CACNA1B: variants seen among roughly 807,000 people sequenced by gnomAD.
CACNA1B encodes calcium voltage-gated channel subunit alpha1 B.
A neutral mutation model predicts 247.2 loss-of-function variants in CACNA1B; 70 were observed. That is an observed-to-expected ratio of 0.28 (90% confidence interval 0.23 to 0.35). The LOEUF is 0.35. Ranked by LOEUF, CACNA1B falls within the 10% of genes least tolerant of loss-of-function variation. The probability of loss-of-function intolerance (pLI) is 1.00; values close to 1 mark genes in which losing one functional copy is unlikely to be tolerated. For missense variants in CACNA1B, 2,367 were observed against 3,197.4 expected (o/e 0.74, Z 6.26); for synonymous variants, 1,231 against 1,294.4 (o/e 0.95, Z 1.05).
At position 138,072,262 on chromosome 9, in the gene CACNA1B, C is replaced by G. The variant is rs1252830316; in HGVS notation, c.4675-1226C>G. 1.3e-5 allele frequency among the ~76,000 whole-genome samples: 2 copies of G among 152,240 alleles called. No homozygotes were observed. Among genetic ancestry groups the G allele is most frequent in the African/African-American group, 4.8e-5 (2 of 41,462 alleles). On this transcript the variant is annotated intron_variant, in intron 32 of 46. Transcript: ENST00000371372. The surrounding 1 kb of genome is among the most constrained non-coding windows in gnomAD (Gnocchi z 4.5). Reference sequence around the variant, plus strand: ...ACCTCGAGTTGAATCCTCAGCCACCCTGCCCCTGCCAGTGGAAGTGGCAGA... The same window carrying G: ...ACCTCGAGTTGAATCCTCAGCCACCGTGCCCCTGCCAGTGGAAGTGGCAGA...
intron 12 of CACNA1B, 58 bp downstream of exon 12, chr9:137,976,077 G>A (rs1958217072): frequency 1.9e-6 from 2 of 1,049,068 alleles, no homozygotes; most frequent in Non-Finnish European, 3.0e-6. Context: ...GGTGCACACA[G>A]CCCCCTCCCA....
At chr9:138,074,530 C>T (rs752403596) in intron 34 of CACNA1B, among the ~76,000 whole-genome samples, 3 of 152,220 alleles carry the variant, frequency 2.0e-5, no homozygotes, top group East Asian at 1.9e-4. Context: ...TGTGAGCCAC[C>T]GCGCCTGGCC....
rs1036070174 is a variant in CACNA1B at position 137,954,168 on chromosome 9, G to A, written c.1071-1530G>A. Among the ~76,000 whole-genome samples, 1 of 152,164 alleles carries A rather than the reference G, an allele frequency of 6.6e-6. No homozygotes were observed. The highest frequency in any genetic ancestry group is 2.4e-5 in the African/African-American group (1 of 41,442). Reference sequence around the variant, plus strand: ...ACCCTCCCTCAGGCCCACAGGCCCAGCAGAGGGCCCCCAAGCCAGGGGCTG... The same window carrying A: ...ACCCTCCCTCAGGCCCACAGGCCCAACAGAGGGCCCCCAAGCCAGGGGCTG... On this transcript the variant is annotated intron_variant, in intron 7 of 46. Coordinates refer to ENST00000371372, the MANE Select transcript of CACNA1B (RefSeq NM_000718.4). The surrounding 1 kb of genome is among the most constrained non-coding windows in gnomAD (Gnocchi z 4.1).
In CACNA1B at chr9:138,046,957, T is replaced by C. The variant is rs1959190818; in HGVS notation, c.3467T>C (p.Ile1156Thr). 1 of 1,613,490 alleles carries C rather than the reference T, an allele frequency of 6.2e-7. No homozygotes were observed. Among genetic ancestry groups the C allele is most frequent in the South Asian group, 1.1e-5 (1 of 91,066 alleles). Residue 1156 changes from isoleucine (I) to threonine (T), a missense_variant, in exon 22 of 47, where the codon ATT (isoleucine) becomes ACT (threonine). Ile to Thr is a moderately conservative substitution (Grantham distance 89). Coordinates refer to ENST00000371372, the MANE Select transcript of CACNA1B (RefSeq NM_000718.4). ...ACCATGAGGTACTTCGAGGTGGTCA[T>C]TCTCGTGGTCATCGCCTTGAGCAGC... ...IVTMRYFEVV[I>T]LVVIALSSIA...
At chr9:137,975,022 G>A (rs552544770) in intron 11 of CACNA1B, among the ~76,000 whole-genome samples, 7 of 152,292 alleles carry the variant, frequency 4.6e-5, no homozygotes, top group African/African-American at 1.4e-4. Context: ...GCTGGGCCTC[G>A]CTGGGCCTCC....
chr9:138,024,482 T>C (rs1384734420), intron 19 of CACNA1B, among the ~76,000 whole-genome samples: 1 of 152,122 alleles, frequency 6.6e-6, no homozygotes, highest in Non-Finnish European at 1.5e-5. Context: ...GTCAGCCCCA[T>C]CCCTGCCTTT....
At position 138,059,759 on chromosome 9, in the gene CACNA1B, C is replaced by A; in HGVS notation, c.4668+22C>A. 10 of 1,388,720 alleles carry A rather than the reference C, an allele frequency of 7.2e-6. No homozygotes were observed. Among genetic ancestry groups the A allele is most frequent in the Non-Finnish European group, 1.0e-5 (10 of 974,560 alleles). 86.0% of individuals were successfully genotyped at this position (1,388,720 alleles called of 1,614,324 possible). A position where few individuals can be genotyped will look rare whatever the true frequency, so the allele number is the denominator to read the frequency against. Reference sequence around the variant, plus strand: ...TGCGGTAAGTAGCATTTCTGTCCCTCCTTCAGGGTCCCCAGGTGGTTTCCT... The same window carrying A: ...TGCGGTAAGTAGCATTTCTGTCCCTACTTCAGGGTCCCCAGGTGGTTTCCT... On this transcript the variant is annotated intron_variant, in intron 31 of 46. Transcript: ENST00000371372. The surrounding 1 kb of genome is among the most constrained non-coding windows in gnomAD (Gnocchi z 4.2).
chr9:138,001,776 G>C (rs1564231331), intron 15 of CACNA1B, among the ~76,000 whole-genome samples: 1 of 152,044 alleles, frequency 6.6e-6, no homozygotes, highest in East Asian at 1.9e-4. Flanking sequence ...TATTCAATTA[G>C]AAAATTCAAT....
chr9:138,116,353 C>T (rs1232925430), intron 42 of CACNA1B, among the ~76,000 whole-genome samples: 1 of 152,216 alleles, frequency 6.6e-6, no homozygotes, highest in Non-Finnish European at 1.5e-5. Flanking sequence ...ACAAATCACC[C>T]AGAAGCAGGT....
intron 6 of CACNA1B, among the ~76,000 whole-genome samples, chr9:137,944,012 G>A (rs528480584): frequency 2.0e-5 from 3 of 152,320 alleles, no homozygotes; most frequent in Admixed American, 6.5e-5. Flanking sequence ...GTGTCTATTA[G>A]TACTAACAAA....
At chr9:138,120,080 G>A in intron 44 of CACNA1B, 85 bp from the exon 45 acceptor site, 4 of 1,177,924 alleles carry the variant, frequency 3.4e-6, no homozygotes, top group South Asian at 2.9e-5. Context: ...CTGCTGTCTG[G>A]CCTGCTCCAC....
At position 138,052,275 on chromosome 9, in the gene CACNA1B, G is replaced by A; in HGVS notation, c.3807+87G>A. ...GTGTGTGTGTGTGTATGCATGCAGT[G>A]CATGAGTGTGTGTGTGTTCACATCA... is the stretch of plus-strand genomic sequence containing the variant. On this transcript the variant is annotated intron_variant, in intron 25 of 46. Coordinates refer to ENST00000371372, the MANE Select transcript of CACNA1B (RefSeq NM_000718.4). The surrounding 1 kb of genome is among the most constrained non-coding windows in gnomAD (Gnocchi z 5.1). The A allele has an allele frequency of 1.8e-6, 1 of 570,658 alleles. No individual in the cohort carries two copies. The allele number at this position is 570,658 out of a possible 1,614,324, so 35.3% of individuals were successfully genotyped here. A position where few individuals can be genotyped will look rare whatever the true frequency, so the allele number is the denominator to read the frequency against.
intron 36 of CACNA1B, among the ~76,000 whole-genome samples, chr9:138,083,300 C>G (rs1276927238): frequency 2.0e-5 from 3 of 151,160 alleles, no homozygotes; most frequent in African/African-American, 7.3e-5. Flanking sequence ...TGGCCGACAT[C>G]CCCAAGCTGA....
chr9:137,980,682 A>G (rs1300645941), intron 12 of CACNA1B, among the ~76,000 whole-genome samples: 1 of 151,046 alleles, frequency 6.6e-6, no homozygotes. Context: ...TCCCTCTAGT[A>G]CTCCCCACTG....
Position 137,913,061 on chromosome 9 carries a change from C to A in CACNA1B, c.531-119C>A. The A allele has an allele frequency of 1.3e-6, 1 of 745,766 alleles. No homozygotes were observed. The highest frequency in any genetic ancestry group is 2.3e-6 in the Non-Finnish European group (1 of 436,074). 46.2% of individuals were successfully genotyped at this position (745,766 alleles called of 1,614,324 possible). A position where few individuals can be genotyped will look rare whatever the true frequency, so the allele number is the denominator to read the frequency against. Reference sequence around the variant, plus strand: ...TGGCCCTGTGGTTGGACAGTGGGGACACAGGAATGAAGGTGTCACTGCTCT... The same window carrying A: ...TGGCCCTGTGGTTGGACAGTGGGGAAACAGGAATGAAGGTGTCACTGCTCT... On this transcript the variant is annotated intron_variant, in intron 3 of 46. Coordinates refer to ENST00000371372, the MANE Select transcript of CACNA1B (RefSeq NM_000718.4). The surrounding 1 kb of genome is among the most constrained non-coding windows in gnomAD (Gnocchi z 5.2).
Position 137,971,537 on chromosome 9 carries a change from A to G in CACNA1B, c.1488A>G (p.Thr496=). 6.2e-7 allele frequency: 1 copy of G among 1,613,446 alleles called. No homozygotes were observed. Among genetic ancestry groups the G allele is most frequent in the Non-Finnish European group, 8.5e-7 (1 of 1,179,652 alleles). Residue 496 remains threonine (T), a synonymous_variant, in exon 11 of 47, where the codon ACA becomes ACG. Transcript: ENST00000371372. The surrounding 1 kb of genome is among the most constrained non-coding windows in gnomAD (Gnocchi z 4.4). ...WVVLCVVALN[T]LCVAMVHYNQ... Reference sequence around the variant, plus strand: ...TGCTGTGCGTGGTGGCCCTGAACACACTGTGTGTGGCCATGGTGCATTACA... The same window carrying G: ...TGCTGTGCGTGGTGGCCCTGAACACGCTGTGTGTGGCCATGGTGCATTACA...
intron 44 of CACNA1B, among the ~76,000 whole-genome samples, 156 bp downstream of exon 44, chr9:138,118,924 G>A (rs531763181): frequency 2.6e-5 from 4 of 152,044 alleles, no homozygotes; most frequent in African/African-American, 4.8e-5. Context: ...CAGGCACCCC[G>A]GGCAGTCCTG....
Position 137,917,254 on chromosome 9 carries a change from G to C in CACNA1B, c.789G>C (p.Val263=). 1.2e-6 allele frequency: 2 copies of C among 1,613,132 alleles called. No homozygotes were observed. The highest frequency in any genetic ancestry group is 2.2e-5 in the South Asian group (2 of 91,018). The stretch of plus-strand genomic sequence containing the variant: ...TCCTTCTTGCAGATGCGGAGCCCGT[G>C]GGTGACTTCCCCTGTGGCAAGGAGG... ...CFPNSTDAEP[V]GDFPCGKEAP... is the part of the protein sequence containing the mutation. Residue 263 remains valine (V), a synonymous_variant, in exon 6 of 47, where the codon GTG becomes GTC. Transcript: ENST00000371372. The surrounding 1 kb of genome is among the most constrained non-coding windows in gnomAD (Gnocchi z 5.5).
rs1367709132 is a variant in CACNA1B at position 138,020,936 on chromosome 9, A to G, written c.2268-2075A>G. Among the ~76,000 whole-genome samples, 1 of 152,166 alleles carries G rather than the reference A, an allele frequency of 6.6e-6. No homozygotes were observed. Among genetic ancestry groups the G allele is most frequent in the Non-Finnish European group, 1.5e-5 (1 of 68,018 alleles). On this transcript the variant is annotated intron_variant, in intron 18 of 46. Transcript: ENST00000371372. The surrounding 1 kb of genome is among the most constrained non-coding windows in gnomAD (Gnocchi z 4.1). ...TCACTGCCTGTCTTTTTGGAACTGC[A>G]ATGCTGGTCCCCAAGATTCACGGCT...
Sources: allele counts gnomAD v4.1 joint callset (sites outside exome capture counted in the v4.1 genomes callset), GRCh38; gene constraint gnomAD v4.1.1; non-coding constraint Gnocchi (gnomAD v3.1); transcripts MANE v1.5; gene names NCBI Gene and HGNC (gene_info 2026-07-23, HGNC 2026-07-21).